Variants in PTPN14 observed in about 807,000 individuals in gnomAD.
The protein encoded by PTPN14 is tyrosine-protein phosphatase non-receptor type 14.
Under a neutral mutation model 126.8 loss-of-function variants are expected in PTPN14, and 53 were observed. The observed-to-expected ratio is 0.42, with a 90% confidence interval of 0.34 to 0.53. The LOEUF (loss-of-function observed/expected upper bound fraction) is 0.53, where lower values mean the gene tolerates loss of function less well. PTPN14 is among the 20% of genes least tolerant of loss of function. The pLI is 0.08. For synonymous variants in PTPN14, 630 were observed against 599.3 expected, an observed-to-expected ratio of 1.05 and a Z score of -0.75; for missense variants, 1,257 against 1,552.9, an observed-to-expected ratio of 0.81 and a Z score of 3.20.
intron 1 of PTPN14, among the ~76,000 whole-genome samples, chr1:214,490,912 GGGAA>G (rs1661225533): frequency 5.9e-5 from 1 of 17,072 alleles, no homozygotes; most frequent in Non-Finnish European, 1.6e-4. Flanking sequence ...GGGGAAGGAA[GGGAA>G]GGAAAGAAAG....
chr1:214,504,249 C>A (rs984589912), intron 1 of PTPN14, among the ~76,000 whole-genome samples: 1 of 152,062 alleles, frequency 6.6e-6, no homozygotes, highest in Non-Finnish European at 1.5e-5. Flanking sequence ...CATAGGAAGG[C>A]GACCCACAGT....
At chr1:214,533,219 G>A (rs1339363013) in intron 1 of PTPN14, 2 of 672,712 alleles carry the variant, frequency 3.0e-6, no homozygotes, top group African/African-American at 3.6e-5. Context: ...CTGGCGTCAG[G>A]GCTGGCCCAG....
intron 3 of PTPN14, among the ~76,000 whole-genome samples, chr1:214,421,002 T>C (rs1165541003): frequency 1.3e-5 from 2 of 152,236 alleles, no homozygotes; most frequent in Non-Finnish European, 2.9e-5. Flanking sequence ...TTTCAGTTCC[T>C]TCAGAAGTTA....
At chr1:214,446,859 T>C (rs762497577) in intron 3 of PTPN14, among the ~76,000 whole-genome samples, 2 of 152,238 alleles carry the variant, frequency 1.3e-5, no homozygotes, top group East Asian at 1.9e-4. Flanking sequence ...AGCCAAACCA[T>C]TGCAAACATG....
At chr1:214,379,360 T>C (rs1427868915) in intron 13 of PTPN14, among the ~76,000 whole-genome samples, 6 of 152,174 alleles carry the variant, frequency 3.9e-5, no homozygotes, top group South Asian at 2.1e-4. Flanking sequence ...ATTATTCTAA[T>C]TGCGGGTGGG....
chr1:214,444,506 A>G (rs61819594), intron 3 of PTPN14, among the ~76,000 whole-genome samples: 12,670 of 152,260 alleles, frequency 0.083, 680 homozygotes, highest in Middle Eastern at 0.12. Context: ...GAACTGGAGG[A>G]ACAAAATAAA....
At chr1:214,358,071 C>T (rs2102500716) in intron 18 of PTPN14, 21 bp from the exon 19 acceptor site, 2 of 1,611,520 alleles carry the variant, frequency 1.2e-6, no homozygotes, top group Non-Finnish European at 1.7e-6. Context: ...AGAGAGAAAG[C>T]ACAAGGTCCT....
chr1:214,453,377 G>A (rs748920131), intron 2 of PTPN14, among the ~76,000 whole-genome samples: 5 of 152,196 alleles, frequency 3.3e-5, no homozygotes, highest in African/African-American at 7.2e-5. Context: ...AAACAGACTT[G>A]GAGGTCAGTC....
intron 13 of PTPN14, among the ~76,000 whole-genome samples, chr1:214,380,713 C>T (rs1386036299): frequency 6.6e-6 from 1 of 152,242 alleles, no homozygotes; most frequent in African/African-American, 2.4e-5. Context: ...TGGCCATCAC[C>T]TCTCATGAAT....
chr1:214,470,613 T>C (rs61819619), intron 1 of PTPN14, among the ~76,000 whole-genome samples: 4,663 of 151,776 alleles, frequency 0.031, 105 homozygotes, highest in Middle Eastern at 0.065. Flanking sequence ...TAAAACCCCA[T>C]CGCTACTAAA....
Position 214,377,997 on chromosome 1 carries a change from T to C in PTPN14, c.2650A>G (p.Asn884Asp), listed in dbSNP as rs747445272. 1 of 1,613,464 alleles carries C rather than the reference T, an allele frequency of 6.2e-7. No individual in the cohort carries two copies. The change falls in exon 14 of 19, where the codon AAT becomes GAT. Residue 884 changes from asparagine (N) to aspartate (D), a missense_variant. This residue lies in a region of PTPN14 where 1,021 missense variants were observed against 1,183.3 expected (regional missense o/e 0.86). Transcript: ENST00000366956. The stretch of plus-strand genomic sequence containing the variant: ...GGAACCCGGGTGGCATCAACTCGAT[T>C]CTCTTCCCGCCCTGAGACTCGAGCC... ...SVARVSGREE[N>D]RVDATRVPMD...
intron 2 of PTPN14, among the ~76,000 whole-genome samples, chr1:214,462,849 C>G (rs562221612): frequency 6.6e-6 from 1 of 152,154 alleles, no homozygotes; most frequent in Admixed American, 6.5e-5. Context: ...TTTTCTTTAA[C>G]AAAAAATGGG....
chr1:214,492,861 G>T (rs1299091163), intron 1 of PTPN14, among the ~76,000 whole-genome samples: 1 of 148,558 alleles, frequency 6.7e-6, no homozygotes, highest in East Asian at 2.0e-4. Flanking sequence ...TCACACTACA[G>T]CATTCCAGCC....
At chr1:214,536,044 T>C (rs928733562) in intron 1 of PTPN14, among the ~76,000 whole-genome samples, 1 of 152,140 alleles carries the variant, frequency 6.6e-6, no homozygotes, top group African/African-American at 2.4e-5. Flanking sequence ...TTCACTATCA[T>C]CTTCTATGCG....
At chr1:214,499,277 C>T (rs537990787) in intron 1 of PTPN14, among the ~76,000 whole-genome samples, 3 of 151,924 alleles carry the variant, frequency 2.0e-5, no homozygotes, top group East Asian at 1.9e-4. Context: ...TGAGGAGGCT[C>T]GCTATATACT....
At position 214,357,716 on chromosome 1, in the gene PTPN14, CAA is replaced by C. The variant is rs1158176101; in HGVS notation, c.*204_*205del. The C allele has an allele frequency of 1.3e-5, 6 of 449,056 alleles. No individual in the cohort carries two copies. The Admixed American group carries it at 2.3e-4, about 17-fold the overall frequency. 27.8% of individuals were successfully genotyped at this position (449,056 alleles called of 1,614,324 possible). ...AGGGAAACTGCATTATAATAATTCA[CAA>C]AAGTTATTCCAAAGGGGAAAAAAAT... On this transcript the variant is annotated 3_prime_UTR_variant, in exon 19 of 19. Transcript: ENST00000366956.
intron 1 of PTPN14, chr1:214,532,325 G>A: frequency 3.8e-6 from 2 of 528,472 alleles, no homozygotes; most frequent in Non-Finnish European, 6.9e-6. Flanking sequence ...AGATCTCCGT[G>A]TCCTGCTACA....
chr1:214,544,252 G>A (rs1180754548), intron 1 of PTPN14, among the ~76,000 whole-genome samples: 1 of 151,890 alleles, frequency 6.6e-6, no homozygotes, highest in Non-Finnish European at 1.5e-5. Context: ...AACATAGGGA[G>A]ACTCCATCTG....
In PTPN14 at chr1:214,451,768, C is replaced by T. The variant is rs114291934; in HGVS notation, c.344+37G>A. The T allele has an allele frequency of 8.3e-4, 1,332 of 1,599,498 alleles. 12 individuals are homozygous for T. The African/African-American group carries it at 0.016, about 19-fold the overall frequency. On this transcript the variant is annotated intron_variant, in intron 3 of 18. Coordinates refer to ENST00000366956, the MANE Select transcript of PTPN14 (RefSeq NM_005401.5). Reference sequence around the variant, plus strand: ...CATTGGAAGCTTCACAGTTAGTCAACACCCTTATATGGCACACAGGGGGAA... The same window carrying T: ...CATTGGAAGCTTCACAGTTAGTCAATACCCTTATATGGCACACAGGGGGAA...
Sources: allele counts gnomAD v4.1 joint callset (sites outside exome capture counted in the v4.1 genomes callset), GRCh38; gene constraint gnomAD v4.1.1; regional missense constraint gnomAD v4.1.1; transcripts MANE v1.5; gene names NCBI Gene and HGNC (gene_info 2026-07-23, HGNC 2026-07-21).